Variants in NPTXR observed in about 807,000 individuals in gnomAD.
NPTXR encodes neuronal pentraxin receptor.
A neutral mutation model predicts 32.2 loss-of-function variants in NPTXR; 12 were observed. That is an observed-to-expected ratio of 0.37 (90% CI 0.24 to 0.60). NPTXR has a LOEUF of 0.60. NPTXR is among the 20% of genes least tolerant of loss of function. NPTXR has a pLI of 0.66. For synonymous variants in NPTXR, 323 were observed against 315.8 expected, an observed-to-expected ratio of 1.02 and a Z score of -0.24; for missense variants, 612 against 682.9, an observed-to-expected ratio of 0.90 and a Z score of 1.16.
chr22:38,833,013 C>T (rs1036543368), intron 1 of NPTXR, among the ~76,000 whole-genome samples: 4 of 152,100 alleles, frequency 2.6e-5, no homozygotes, highest in African/African-American at 7.2e-5. Flanking sequence ...TAGCCCCACC[C>T]GGGGTCTATT....
At chr22:38,828,901 G>A (rs1370667048) in intron 1 of NPTXR, among the ~76,000 whole-genome samples, 1 of 152,212 alleles carries the variant, frequency 6.6e-6, no homozygotes, top group Non-Finnish European at 1.5e-5. Flanking sequence ...GTAAAGGGGC[G>A]GACCATCTTA....
At chr22:38,829,205 C>CTAAGGA (rs1466385868) in intron 1 of NPTXR, among the ~76,000 whole-genome samples, 1 of 152,158 alleles carries the variant, frequency 6.6e-6, no homozygotes, top group Non-Finnish European at 1.5e-5. Context: ...GTGGGGAGGA[C>CTAAGGA]TAAGGATTAA....
At position 38,843,540 on chromosome 22, in the gene NPTXR, C is replaced by T. The variant is rs771503166; in HGVS notation, c.319G>A (p.Ala107Thr). The T allele has an allele frequency of 1.1e-5, 14 of 1,249,030 alleles. No individual in the cohort carries two copies. Among genetic ancestry groups the T allele is most frequent in the African/African-American group, 1.6e-5 (1 of 63,574 alleles). The allele number at this position is 1,249,030 out of a possible 1,614,324, so 77.4% of individuals were successfully genotyped here. The change falls in exon 1 of 5, where the codon GCC becomes ACC. Residue 107 changes from alanine to threonine, a missense_variant. Physicochemically the swap from Ala to Thr is moderately conservative, Grantham distance 58. Transcript: ENST00000333039. This position sits in a 1 kb window ranked among gnomAD's most constrained non-coding sequence, Gnocchi z 5.3. The stretch of plus-strand genomic sequence containing the variant: ...GCGCCCGCCGCGTCCCCCTGCTGGG[C>T]CCCCGACGGGCAGGCAGCAGCCAGC...
chr22:38,839,926 AATGGCTGCAT>A (rs2093129580), intron 1 of NPTXR, among the ~76,000 whole-genome samples: 1 of 152,240 alleles, frequency 6.6e-6, no homozygotes, highest in African/African-American at 2.4e-5. Flanking sequence ...GCTCTCAAAC[AATGGCTGCAT>A]ATGGATAAGG....
chr22:38,831,525 C>T (rs2146195365), intron 1 of NPTXR, among the ~76,000 whole-genome samples: 1 of 152,292 alleles, frequency 6.6e-6, no homozygotes, highest in Non-Finnish European at 1.5e-5. Context: ...TGGGGCTTGA[C>T]TACATTAGCT....
In NPTXR at chr22:38,822,393, A is replaced by C. The variant is rs930698456; in HGVS notation, c.*216T>G. On this transcript the variant is annotated 3_prime_UTR_variant, in exon 5 of 5. Transcript: ENST00000333039. ...CCAGGTGGGCAGGCTCCCACTGTTC[A>C]CTTGAGACGCTCCTCCCCACTCAGG... 1 of 578,534 alleles carries C rather than the reference A, an allele frequency of 1.7e-6. No homozygotes were observed. The highest frequency in any genetic ancestry group is 3.1e-6 in the Non-Finnish European group (1 of 321,796). 35.8% of individuals were successfully genotyped at this position (578,534 alleles called of 1,614,324 possible).
chr22:38,835,200 G>A (rs968733353), intron 1 of NPTXR, among the ~76,000 whole-genome samples: 1 of 149,098 alleles, frequency 6.7e-6, no homozygotes, highest in Admixed American at 6.6e-5. Flanking sequence ...GCAGGTGGCG[G>A]TGCTCCCAGC....
chr22:38,819,815 C>T lies in NPTXR; in HGVS notation c.*2794G>A, dbSNP rs2146187934. 1.3e-5 allele frequency: 2 copies of T among 152,764 alleles called. No homozygotes were observed. The highest frequency in any genetic ancestry group is 4.1e-4 in the South Asian group (2 of 4,824). The allele number at this position is 152,764 out of a possible 1,614,324, so 9.5% of individuals were successfully genotyped here. ...CTTTCCCTGTCTGCTTGGATGTGCT[C>T]AGGGGCAGCAGAAGATAGGAAAAGC... On this transcript the variant is annotated 3_prime_UTR_variant, in exon 5 of 5. Coordinates refer to ENST00000333039, the MANE Select transcript of NPTXR (RefSeq NM_014293.4).
At chr22:38,826,816 A>C in intron 2 of NPTXR, 69 bp from the exon 3 acceptor site, 1 of 1,547,126 alleles carries the variant, frequency 6.5e-7, no homozygotes, top group Non-Finnish European at 8.8e-7. Context: ...GACAGGGCAC[A>C]CTTCAGAAAG....
intron 1 of NPTXR, among the ~76,000 whole-genome samples, chr22:38,831,215 T>C (rs917054368): frequency 8.5e-5 from 13 of 152,290 alleles, no homozygotes; most frequent in African/African-American, 3.1e-4. Context: ...GAGACCAGCC[T>C]GGGCAACATG....
chr22:38,826,800 G>A, intron 2 of NPTXR, 53 bp from the exon 3 acceptor site: 2 of 1,573,442 alleles, frequency 1.3e-6, no homozygotes, highest in South Asian at 1.2e-5. Context: ...CGAAAAGGGT[G>A]GGGTGGACAG....
chr22:38,839,880 A>G (rs1266091281), intron 1 of NPTXR, among the ~76,000 whole-genome samples: 1 of 152,234 alleles, frequency 6.6e-6, no homozygotes, highest in Non-Finnish European at 1.5e-5. Flanking sequence ...GAATCCCAGG[A>G]TATTATGGCA....
intron 1 of NPTXR, among the ~76,000 whole-genome samples, chr22:38,830,712 C>T (rs1427451965): frequency 6.6e-6 from 1 of 152,182 alleles, no homozygotes; most frequent in African/African-American, 2.4e-5. Flanking sequence ...GTGCCACTCA[C>T]ACTCAGCAAC....
intron 1 of NPTXR, among the ~76,000 whole-genome samples, chr22:38,841,768 G>A (rs1224205806): frequency 6.6e-6 from 1 of 152,170 alleles, no homozygotes; most frequent in African/African-American, 2.4e-5. Context: ...AGTGAGGTAG[G>A]TGCTATTACT....
Position 38,843,908 on chromosome 22 carries a change from G to C in NPTXR, c.-50C>G, listed in dbSNP as rs2093135958. The C allele has an allele frequency of 2.1e-6, 2 of 964,974 alleles. No homozygotes were observed. Among genetic ancestry groups the C allele is most frequent in the South Asian group, 4.6e-5 (1 of 21,742 alleles). 59.8% of individuals were successfully genotyped at this position (964,974 alleles called of 1,614,324 possible). On this transcript the variant is annotated 5_prime_UTR_variant, in exon 1 of 5. Transcript: ENST00000333039. The surrounding 1 kb of genome is among the most constrained non-coding windows in gnomAD (Gnocchi z 5.3). ...CGAGGCCCCCGGCAGGCGCGGCGGC[G>C]GGGTCGGGGCGCGGAGCCCGGGCGC...
At chr22:38,826,162 C>A (rs2093106303) in intron 3 of NPTXR, among the ~76,000 whole-genome samples, 1 of 152,176 alleles carries the variant, frequency 6.6e-6, no homozygotes, top group African/African-American at 2.4e-5. Context: ...CTCTTTAAGT[C>A]CAGGATGATG....
intron 1 of NPTXR, among the ~76,000 whole-genome samples, chr22:38,838,871 G>A (rs951807277): frequency 5.9e-5 from 9 of 152,036 alleles, no homozygotes; most frequent in Non-Finnish European, 1.0e-4. Context: ...GTGAGCCACC[G>A]CGCCCAGCTC....
chr22:38,838,978 G>A (rs1478574780), intron 1 of NPTXR, among the ~76,000 whole-genome samples: 1 of 152,174 alleles, frequency 6.6e-6, no homozygotes, highest in African/African-American at 2.4e-5. Flanking sequence ...CAGCCAGACA[G>A]TGGGCTCCAC....
At chr22:38,827,678 G>T (rs113907186) in intron 2 of NPTXR, among the ~76,000 whole-genome samples, 9 of 152,192 alleles carry the variant, frequency 5.9e-5, no homozygotes, top group African/African-American at 2.2e-4. Flanking sequence ...GTCTTTGAGA[G>T]CTCATGAGTC....
Sources: allele counts gnomAD v4.1 joint callset (sites outside exome capture counted in the v4.1 genomes callset), GRCh38; gene constraint gnomAD v4.1.1; non-coding constraint Gnocchi (gnomAD v3.1); transcripts MANE v1.5; gene names NCBI Gene and HGNC (gene_info 2026-07-23, HGNC 2026-07-21).